Variants in SLC9D1 observed in about 807,000 individuals in gnomAD.
SLC9D1 encodes the protein putative LAG1-interacting protein.
the SLC9D1 span, among the ~76,000 whole-genome samples, chr13:113,537,176 TG>T: frequency 6.6e-6 from 1 of 152,240 alleles, no homozygotes; most frequent in African/African-American, 2.4e-5. Flanking sequence ...CAGATTTTTT[TG>T]TCCTTCTTAA....
chr13:113,538,293 G>A, the SLC9D1 span, among the ~76,000 whole-genome samples: 11 of 152,134 alleles, frequency 7.2e-5, no homozygotes, highest in Middle Eastern at 3.4e-3. Context: ...GTGTGTACCC[G>A]TGGCACATGT....
the SLC9D1 span, chr13:113,510,438 T>C: frequency 1.2e-6 from 2 of 1,605,910 alleles, no homozygotes; most frequent in Non-Finnish European, 1.7e-6. Flanking sequence ...GGTGACGGCA[T>C]GTTCTGAGTG....
the SLC9D1 span, among the ~76,000 whole-genome samples, chr13:113,536,800 C>G: frequency 4.5e-4 from 69 of 152,240 alleles, no homozygotes; most frequent in Non-Finnish European, 7.1e-4. Context: ...CTGGAAGGTG[C>G]TTTCACTGCT....
the SLC9D1 span, among the ~76,000 whole-genome samples, chr13:113,521,410 A>G: frequency 1.4e-5 from 2 of 139,118 alleles, no homozygotes; most frequent in Non-Finnish European, 3.1e-5. Context: ...ATGGTTGTAT[A>G]TCTGCATGCA....
chr13:113,548,230 TTC>T, the SLC9D1 span: 1 of 1,524,870 alleles, frequency 6.6e-7, no homozygotes, highest in Non-Finnish European at 8.8e-7. Flanking sequence ...CTCGTCTGGG[TTC>T]TCTGTTTCGT....
At chr13:113,530,263 T>G in the SLC9D1 span, 1 of 152,238 alleles carries the variant, frequency 6.6e-6, no homozygotes, top group African/African-American at 2.4e-5. Context: ...TTTGGGATGA[T>G]GAAAGTATTC....
the SLC9D1 span, chr13:113,498,498 C>G: frequency 6.9e-6 from 11 of 1,588,892 alleles, no homozygotes; most frequent in Admixed American, 2.1e-4. Context: ...GATAGAGGAA[C>G]ATGCTTTTGA....
the SLC9D1 span, among the ~76,000 whole-genome samples, chr13:113,540,085 A>G: frequency 6.5e-4 from 99 of 152,246 alleles, 1 homozygote; most frequent in African/African-American, 2.3e-3. Flanking sequence ...TCCCTGATGT[A>G]TATGTACCAC....
At chr13:113,501,105 A>G in the SLC9D1 span, among the ~76,000 whole-genome samples, 1 of 152,182 alleles carries the variant, frequency 6.6e-6, no homozygotes, top group East Asian at 1.9e-4. Flanking sequence ...CGTGAATTAC[A>G]GTTTGGACAC....
At chr13:113,522,615 T>A in the SLC9D1 span, among the ~76,000 whole-genome samples, 4 of 151,026 alleles carry the variant, frequency 2.6e-5, no homozygotes, top group Non-Finnish European at 4.4e-5. Flanking sequence ...GCTGGGATTA[T>A]AGGCGTGAGC....
the SLC9D1 span, among the ~76,000 whole-genome samples, chr13:113,524,704 AT>A: frequency 1.3e-3 from 196 of 146,610 alleles, 1 homozygote; most frequent in African/African-American, 3.0e-3. Context: ...AAATAATATT[AT>A]TTTTTTTTTT....
the SLC9D1 span, among the ~76,000 whole-genome samples, chr13:113,519,617 TGG>T: frequency 6.6e-6 from 1 of 152,190 alleles, no homozygotes; most frequent in African/African-American, 2.4e-5. Context: ...GGGCCCGCCT[TGG>T]TCACACAGTG....
the SLC9D1 span, among the ~76,000 whole-genome samples, chr13:113,493,652 A>C: frequency 6.6e-6 from 1 of 152,250 alleles, no homozygotes; most frequent in East Asian, 1.9e-4. Flanking sequence ...TCTTGTTAGG[A>C]AGTTACCTGT....
At chr13:113,499,067 G>A in the SLC9D1 span, among the ~76,000 whole-genome samples, 36 of 152,274 alleles carry the variant, frequency 2.4e-4, no homozygotes, top group African/African-American at 8.2e-4. Context: ...AAGGGGTGGC[G>A]GTTTACTAGA....
At chr13:113,535,893 C>CGG in the SLC9D1 span, among the ~76,000 whole-genome samples, 5 of 151,090 alleles carry the variant, frequency 3.3e-5, no homozygotes, top group Non-Finnish European at 4.4e-5. This position sits in a 1 kb window ranked among gnomAD's most constrained non-coding sequence, Gnocchi z 4.1. Context: ...GTGTCTATAT[C>CGG]GGCACCTGAG....
At chr13:113,500,165 G>A in the SLC9D1 span, 1 of 1,390,694 alleles carries the variant, frequency 7.2e-7, no homozygotes, top group Middle Eastern at 1.9e-4. Context: ...GAGTCATGGT[G>A]GGGATGCCTG....
At chr13:113,497,509 T>C in the SLC9D1 span, among the ~76,000 whole-genome samples, 2 of 149,994 alleles carry the variant, frequency 1.3e-5, no homozygotes, top group East Asian at 3.9e-4. Flanking sequence ...TGCAGCTGTG[T>C]GAGACCTGCA....
At chr13:113,550,024 A>C in the SLC9D1 span, 5 of 232,366 alleles carry the variant, frequency 2.2e-5, no homozygotes, top group Non-Finnish European at 4.2e-5. Flanking sequence ...TGATTCTTAA[A>C]GCCTATGTTT....
chr13:113,498,576 A>C, the SLC9D1 span: 1 of 1,368,816 alleles, frequency 7.3e-7, no homozygotes, highest in African/African-American at 1.5e-5. Context: ...ACTAATCAGA[A>C]GACATGTTGT....
Sources: allele counts gnomAD v4.1 joint callset (sites outside exome capture counted in the v4.1 genomes callset), GRCh38; gene constraint gnomAD v4.1.1; non-coding constraint Gnocchi (gnomAD v3.1); transcripts MANE v1.5; gene names NCBI Gene and HGNC (gene_info 2026-07-23, HGNC 2026-07-21).